WDR26: variants seen among roughly 807,000 people sequenced by gnomAD.
The protein encoded by WDR26 is WD repeat domain 26.
In WDR26, 5 loss-of-function variants were observed where a neutral mutation model predicts 84.1. The ratio of observed to expected loss-of-function variants is 0.06; its 90% CI spans 0.03 to 0.13. The LOEUF is 0.13. WDR26 is among the 10% of genes least tolerant of loss of function. The pLI is 1.00. For missense variants in WDR26, 642 were observed against 974.9 expected, an observed-to-expected ratio of 0.66 and a Z score of 4.55; for synonymous variants, 415 against 389.6, an observed-to-expected ratio of 1.07 and a Z score of -0.77.
At chr1:224,433,609 C>CCCCCCCCCCCCT in intron 1 of WDR26, 75 bp downstream of exon 1, 1 of 750,716 alleles carries the variant, frequency 1.3e-6, no homozygotes, top group Non-Finnish European at 1.8e-6. Flanking sequence ...CTCCCCCCTC[C>CCCCCCCCCCCCT]GCCCCTTCCC....
chr1:224,413,205 A>C (rs1673787589), intron 6 of WDR26: 3 of 821,236 alleles, frequency 3.7e-6, no homozygotes, highest in South Asian at 2.8e-5. Flanking sequence ...ACAACAACAA[A>C]AACCCCCCCC....
intron 8 of WDR26, among the ~76,000 whole-genome samples, chr1:224,401,339 A>G (rs1673407678): frequency 1.3e-5 from 2 of 152,226 alleles, no homozygotes; most frequent in African/African-American, 4.8e-5. Context: ...CTCATCGCAA[A>G]TCAATTATAT....
chr1:224,415,432 T>A (rs1673865908), intron 6 of WDR26, among the ~76,000 whole-genome samples: 1 of 149,736 alleles, frequency 6.7e-6, no homozygotes, highest in Non-Finnish European at 1.5e-5. Flanking sequence ...GAAGAAACAA[T>A]TCTGGAACAC....
chr1:224,393,959 G>A lies in WDR26; in HGVS notation c.2129C>T (p.Thr710Ile). Residue 710 changes from threonine to isoleucine, a missense_variant, in exon 13 of 14, where the codon ACA (threonine) becomes ATA (isoleucine). Coordinates refer to ENST00000414423, the MANE Select transcript of WDR26 (RefSeq NM_001379403.1). The stretch of plus-strand genomic sequence containing the variant: ...ACAGTTTACTGTACGTGTGTGCCCT[G>A]TCAGCTCCGCAATTGGCAGTTCACT... 2 of 1,558,960 alleles carry A rather than the reference G, an allele frequency of 1.3e-6. No individual in the cohort carries two copies. Among genetic ancestry groups the A allele is most frequent in the Non-Finnish European group, 1.8e-6 (2 of 1,137,618 alleles).
intron 4 of WDR26, among the ~76,000 whole-genome samples, chr1:224,424,039 T>C (rs964600705): frequency 8.0e-5 from 10 of 125,278 alleles, no homozygotes; most frequent in African/African-American, 2.5e-4. Context: ...TGTAAGACCC[T>C]GTCTCTACCC....
intron 7 of WDR26, among the ~76,000 whole-genome samples, chr1:224,408,633 C>CTT (rs67639407): frequency 0.28 from 32,221 of 115,506 alleles, 4,927 homozygotes; most frequent in African/African-American, 0.43. Flanking sequence ...TCATCCCATT[C>CTT]TTTTTTTTTT....
intron 9 of WDR26, 100 bp from the exon 10 acceptor site, chr1:224,399,134 G>GTTTT: frequency 2.1e-6 from 2 of 939,916 alleles, no homozygotes; most frequent in Non-Finnish European, 2.9e-6. Flanking sequence ...TTAGTAACAG[G>GTTTT]TTTTTTTTTT....
At chr1:224,426,692 AAG>A (rs1307359128) in intron 3 of WDR26, among the ~76,000 whole-genome samples, 1 of 151,954 alleles carries the variant, frequency 6.6e-6, no homozygotes, top group Non-Finnish European at 1.5e-5. Flanking sequence ...CTAAAAATAA[AAG>A]AATTTTATAT....
chr1:224,398,258 C>G (rs1673315863), intron 11 of WDR26, 32 bp from the exon 12 acceptor site: 4 of 1,590,300 alleles, frequency 2.5e-6, no homozygotes, highest in Non-Finnish European at 3.4e-6. Context: ...GATATTTAAT[C>G]TGCCTCAACT....
At chr1:224,413,162 C>T in intron 6 of WDR26, 1 of 494,420 alleles carries the variant, frequency 2.0e-6, no homozygotes, top group Non-Finnish European at 2.8e-6. Context: ...CCACTCCAGC[C>T]TGGGTGACAG....
In WDR26 at chr1:224,434,181, G is replaced by T; in HGVS notation, c.225C>A (p.Pro75=). Residue 75 remains proline (P), a synonymous_variant, in exon 1 of 14, where the codon CCC becomes CCA. Coordinates refer to ENST00000414423, the MANE Select transcript of WDR26 (RefSeq NM_001379403.1). The stretch of plus-strand genomic sequence containing the variant: ...CGGCGGCGGGAGGGGCAGCAGCCGG[G>T]GGAAGTCCCACCACTACCACCACGG... The T allele has an allele frequency of 1.4e-6, 2 of 1,421,392 alleles. No homozygotes were observed. Among genetic ancestry groups the T allele is most frequent in the Non-Finnish European group, 1.8e-6 (2 of 1,093,162 alleles). The allele number at this position is 1,421,392 out of a possible 1,614,324, so 88.0% of individuals were successfully genotyped here. A position where few individuals can be genotyped will look rare whatever the true frequency, so the allele number is the denominator to read the frequency against.
intron 8 of WDR26, 145 bp downstream of exon 8, chr1:224,404,285 T>G (rs1199652701): frequency 6.5e-6 from 6 of 921,376 alleles, no homozygotes; most frequent in Non-Finnish European, 1.5e-6. Flanking sequence ...ATCTGGAAAC[T>G]TGGGTTCCAC....
chr1:224,401,934 G>C (rs1192097172), intron 8 of WDR26: 1 of 152,084 alleles, frequency 6.6e-6, no homozygotes, highest in East Asian at 1.9e-4. Flanking sequence ...AGAATATTTA[G>C]TGGCTACAAC....
chr1:224,421,005 TG>T (rs1674046140), intron 4 of WDR26, among the ~76,000 whole-genome samples: 1 of 152,230 alleles, frequency 6.6e-6, no homozygotes, highest in African/African-American at 2.4e-5. Context: ...TTTACAAAAG[TG>T]ACTTAGAATT....
At chr1:224,401,690 G>GAAAAAAAAAAAAAAAAAAAAA (rs67543360) in intron 8 of WDR26, among the ~76,000 whole-genome samples, 2 of 84,044 alleles carry the variant, frequency 2.4e-5, no homozygotes, top group Non-Finnish European at 4.7e-5. Flanking sequence ...AAAAAAAAAA[G>GAAAAAAAAAAAAAAAAAAAAA]AAAAAAAAAA....
intron 7 of WDR26, among the ~76,000 whole-genome samples, 157 bp downstream of exon 7, chr1:224,411,270 T>C (rs1673728642): frequency 6.6e-6 from 1 of 152,202 alleles, no homozygotes; most frequent in Non-Finnish European, 1.5e-5. Context: ...TTAACTTACA[T>C]ATATTATCTA....
chr1:224,395,465 A>T (rs1005713089), intron 12 of WDR26, among the ~76,000 whole-genome samples: 1 of 152,210 alleles, frequency 6.6e-6, no homozygotes, highest in Admixed American at 6.5e-5. Context: ...AAAAGCTGGA[A>T]CTGTATCTGA....
chr1:224,424,301 A>C (rs181381495), intron 4 of WDR26, among the ~76,000 whole-genome samples: 1 of 152,352 alleles, frequency 6.6e-6, no homozygotes, highest in African/African-American at 2.4e-5. Flanking sequence ...CAGGCAATAC[A>C]TATTTTCTTC....
At chr1:224,405,052 T>C (rs1673515321) in intron 7 of WDR26, among the ~76,000 whole-genome samples, 1 of 152,144 alleles carries the variant, frequency 6.6e-6, no homozygotes, top group African/African-American at 2.4e-5. Flanking sequence ...TTCTCATCAT[T>C]TCCCAAAGAA....
Sources: gnomAD v4.1 joint callset for allele counts (sites outside exome capture counted in the v4.1 genomes callset) on GRCh38, gnomAD v4.1.1 for gene constraint, MANE v1.5 for transcripts, NCBI Gene and HGNC (gene_info 2026-07-23, HGNC 2026-07-21) for gene names.